The following MYO5B variants were observed in gnomAD, a reference collection of about 807,000 sequenced individuals.
MYO5B encodes unconventional myosin-Vb.
A neutral mutation model predicts 229.3 loss-of-function variants in MYO5B; 143 were observed. The observed-to-expected ratio is 0.62, with a 90% confidence interval of 0.54 to 0.72. MYO5B has a LOEUF of 0.72. Among genes scored for constraint, MYO5B ranks in the 30% least tolerant of loss-of-function variants. The pLI is 0.00. For missense variants in MYO5B, 2,321 were observed against 2,331.0 expected (o/e 1.00, Z 0.09); for synonymous variants, 918 against 885.2 (o/e 1.04, Z -0.66).
chr18:49,886,474 C>G (rs2024643074), intron 22 of MYO5B, among the ~76,000 whole-genome samples: 1 of 152,142 alleles, frequency 6.6e-6, no homozygotes, highest in Admixed American at 6.5e-5. Context: ...GAACTCCTCA[C>G]CCCACAAGTA....
At chr18:50,096,359 A>G (rs1284912541) in intron 1 of MYO5B, among the ~76,000 whole-genome samples, 1 of 152,006 alleles carries the variant, frequency 6.6e-6, no homozygotes, top group Non-Finnish European at 1.5e-5. Context: ...CCCCCTCTGA[A>G]GCATTCTGAC....
chr18:49,856,180 A>T (rs2024260197), intron 30 of MYO5B, among the ~76,000 whole-genome samples: 1 of 152,190 alleles, frequency 6.6e-6, no homozygotes, highest in Non-Finnish European at 1.5e-5. Context: ...CCAGGTTCAA[A>T]TTCTGGATCT....
intron 4 of MYO5B, among the ~76,000 whole-genome samples, chr18:50,029,485 G>T (rs749651302): frequency 6.6e-6 from 1 of 152,166 alleles, no homozygotes; most frequent in Non-Finnish European, 1.5e-5. Context: ...ATATTGAAAG[G>T]AAAGAAAAGT....
At chr18:49,855,815 C>T (rs987024007) in intron 30 of MYO5B, among the ~76,000 whole-genome samples, 2 of 152,222 alleles carry the variant, frequency 1.3e-5, no homozygotes, top group African/African-American at 2.4e-5. Flanking sequence ...CTTGGTGCAA[C>T]AGTACCTCTA....
intron 4 of MYO5B, among the ~76,000 whole-genome samples, chr18:50,005,514 G>A (rs889423244): frequency 5.3e-5 from 8 of 152,170 alleles, no homozygotes; most frequent in South Asian, 2.1e-4. Context: ...GGGCTCAGGC[G>A]ATCCCCCAAC....
chr18:49,890,991 C>A (rs934138973), intron 22 of MYO5B, among the ~76,000 whole-genome samples: 2 of 152,218 alleles, frequency 1.3e-5, no homozygotes, highest in Non-Finnish European at 2.9e-5. Flanking sequence ...CACCCCTAAG[C>A]TCACAGAAGC....
At chr18:50,021,020 T>G (rs966568523) in intron 4 of MYO5B, among the ~76,000 whole-genome samples, 7 of 152,212 alleles carry the variant, frequency 4.6e-5, no homozygotes, top group Admixed American at 2.6e-4. Flanking sequence ...GCACACAGAG[T>G]GTGCAGAGGT....
intron 1 of MYO5B, among the ~76,000 whole-genome samples, chr18:50,055,933 T>G (rs530120789): frequency 1.9e-4 from 29 of 152,304 alleles, no homozygotes; most frequent in Non-Finnish European, 4.0e-4. Flanking sequence ...CTTTTTCTTT[T>G]TTCGGATGGG....
At chr18:49,852,850 T>C (rs1199175487) in intron 31 of MYO5B, among the ~76,000 whole-genome samples, 1 of 152,238 alleles carries the variant, frequency 6.6e-6, no homozygotes, top group Non-Finnish European at 1.5e-5. Flanking sequence ...GTTAACTCAA[T>C]GCAGAATCAT....
chr18:49,906,455 G>A lies in MYO5B; in HGVS notation c.2378C>T (p.Thr793Ile). The change falls in exon 19 of 40, where the codon ACC becomes ATC. Residue 793 changes from threonine (T) to isoleucine (I), a missense_variant. Coordinates refer to ENST00000285039, the MANE Select transcript of MYO5B (RefSeq NM_001080467.3). ...KYHRLKGATL[T>I]LQRYCRGHLA... ...GTGTCCCCGGCAGTACCTCTGCAGG[G>A]TTAAGGTAGCCCCCTTCAGCCTGTG... 2 of 1,614,158 alleles carry A rather than the reference G, an allele frequency of 1.2e-6. No homozygotes were observed. The highest frequency in any genetic ancestry group is 1.7e-6 in the Non-Finnish European group (2 of 1,180,036).
At chr18:50,131,861 T>A (rs1355412348) in intron 1 of MYO5B, among the ~76,000 whole-genome samples, 1 of 152,218 alleles carries the variant, frequency 6.6e-6, no homozygotes, top group Non-Finnish European at 1.5e-5. Flanking sequence ...CTGCATGAAC[T>A]ATGAATCACT....
intron 1 of MYO5B, among the ~76,000 whole-genome samples, chr18:50,137,180 G>A (rs1053893619): frequency 6.6e-6 from 1 of 152,170 alleles, no homozygotes; most frequent in African/African-American, 2.4e-5. Flanking sequence ...ACAATCAAAA[G>A]GCTCTGCAGA....
intron 2 of MYO5B, among the ~76,000 whole-genome samples, chr18:50,041,960 C>G (rs903231418): frequency 3.1e-4 from 47 of 152,058 alleles, no homozygotes; most frequent in African/African-American, 1.1e-3. Context: ...ACCTAGAATA[C>G]AAATCACAAA....
chr18:49,900,001 T>C (rs1425066553), intron 21 of MYO5B, among the ~76,000 whole-genome samples: 2 of 152,168 alleles, frequency 1.3e-5, no homozygotes, highest in Non-Finnish European at 2.9e-5. Flanking sequence ...AAATGCTAGA[T>C]TTATTTTTAT....
chr18:50,036,881 C>G lies in MYO5B; in HGVS notation c.424G>C (p.Val142Leu). 2 of 1,614,168 alleles carry G rather than the reference C, an allele frequency of 1.2e-6. No individual in the cohort carries two copies. The highest frequency in any genetic ancestry group is 1.7e-6 in the Non-Finnish European group (2 of 1,180,032). ...ATCTGCTTGTAGGCTTCTTCTGCCA[C>G]AGCAAAGATGTGGGGGTCCATGTCT... ...MGDMDPHIFAVAEEAYKQMAR... is the reference protein window; with the variant it reads ...MGDMDPHIFALAEEAYKQMAR... Residue 142 changes from valine (V) to leucine (L), a missense_variant, in exon 4 of 40, where the codon GTG (valine) becomes CTG (leucine). By Grantham distance (32) the Val-to-Leu change is conservative. This residue lies in a region of MYO5B where 2,113 missense variants were observed against 2,044.7 expected (regional missense o/e 1.03). Coordinates refer to ENST00000285039, the MANE Select transcript of MYO5B (RefSeq NM_001080467.3).
At chr18:49,853,255 GAC>G (rs1310270116) in intron 31 of MYO5B, among the ~76,000 whole-genome samples, 192 bp downstream of exon 31, 3 of 152,200 alleles carry the variant, frequency 2.0e-5, no homozygotes, top group African/African-American at 7.2e-5. Context: ...CAAGGCCCCA[GAC>G]ACAGGAGTGG....
At chr18:49,936,193 C>G (rs964265195) in intron 16 of MYO5B, 59 bp downstream of exon 16, 1 of 1,451,796 alleles carries the variant, frequency 6.9e-7, no homozygotes, top group African/African-American at 1.4e-5. Context: ...CTGGGCCACC[C>G]TGTTCCACCT....
chr18:50,049,102 T>C lies in MYO5B; in HGVS notation c.138+6166A>G, dbSNP rs140444423. The stretch of plus-strand genomic sequence containing the variant: ...AGGGTGAGTGGAGTAGCATCAAATA[T>C]CCTGCCATGGCCACCACTGTTTTAG... On this transcript the variant is annotated intron_variant, in intron 2 of 39. Transcript: ENST00000285039. Among the ~76,000 whole-genome samples the C allele has an allele frequency of 2.3e-3, 342 of 151,876 alleles. 1 individual carries two copies. Among genetic ancestry groups the C allele is most frequent in the Non-Finnish European group, 4.0e-3 (272 of 67,962 alleles).
At chr18:50,146,741 T>C (rs1282521304) in intron 1 of MYO5B, among the ~76,000 whole-genome samples, 1 of 152,270 alleles carries the variant, frequency 6.6e-6, no homozygotes, top group African/African-American at 2.4e-5. Context: ...TGTTCTTCTC[T>C]GTGAATCAGA....
Sources: allele counts gnomAD v4.1 joint callset (sites outside exome capture counted in the v4.1 genomes callset), GRCh38; gene constraint gnomAD v4.1.1; regional missense constraint gnomAD v4.1.1; transcripts MANE v1.5; gene names NCBI Gene and HGNC (gene_info 2026-07-23, HGNC 2026-07-21).